Variants in ANK3 observed in about 807,000 individuals in gnomAD.
ANK3 encodes the protein ankyrin-3.
In ANK3, 57 loss-of-function variants were observed where a neutral mutation model predicts 370.9. That is an observed-to-expected ratio of 0.15 (90% CI 0.12 to 0.19). ANK3 has a LOEUF of 0.19. Ranked by LOEUF, ANK3 falls within the 10% of genes least tolerant of loss-of-function variation. The pLI, the probability that ANK3 is intolerant of heterozygous loss-of-function variation, is 1.00. For missense variants in ANK3, 4,439 were observed against 5,302.1 expected (o/e 0.84, Z 5.06); for synonymous variants, 1,929 against 1,946.3 (o/e 0.99, Z 0.23).
intron 42 of ANK3, among the ~76,000 whole-genome samples, chr10:60,047,676 AAAATTG>A: frequency 6.6e-6 from 1 of 152,324 alleles, no homozygotes; most frequent in Middle Eastern, 3.4e-3. Flanking sequence ...AAAATGTTGA[AAAATTG>A]AAATAAAAAT....
chr10:60,556,296 C>A (rs2077205685), intron 2 of ANK3, among the ~76,000 whole-genome samples: 1 of 152,186 alleles, frequency 6.6e-6, no homozygotes, highest in African/African-American at 2.4e-5. Context: ...TTCCGGCCTG[C>A]TGTAAATTTT....
chr10:60,701,986 C>T (rs2133418933), intron 1 of ANK3, among the ~76,000 whole-genome samples: 1 of 152,194 alleles, frequency 6.6e-6, no homozygotes, highest in East Asian at 1.9e-4. Flanking sequence ...AGGCTGGGTG[C>T]AGTGGCTCAT....
intron 28 of ANK3, among the ~76,000 whole-genome samples, chr10:60,090,133 A>G (rs2087869329): frequency 6.6e-6 from 1 of 152,142 alleles, no homozygotes; most frequent in African/African-American, 2.4e-5. Context: ...CCGGGCCAAC[A>G]TGGTGAAATC....
At chr10:60,367,763 A>G (rs550788331) in intron 1 of ANK3, among the ~76,000 whole-genome samples, 1 of 152,326 alleles carries the variant, frequency 6.6e-6, no homozygotes, top group South Asian at 2.1e-4. Context: ...CTGTGTCCTC[A>G]GTGACATTTA....
At chr10:60,554,070 C>A (rs2133237148) in intron 2 of ANK3, among the ~76,000 whole-genome samples, 1 of 152,312 alleles carries the variant, frequency 6.6e-6, no homozygotes, top group South Asian at 2.1e-4. Flanking sequence ...TTATTCAATT[C>A]TATTACTTCT....
Position 60,109,027 on chromosome 10 carries a change from C to T in ANK3, c.2976G>A (p.Ala992=), listed in dbSNP as rs747475542. The T allele has an allele frequency of 9.9e-5, 159 of 1,613,312 alleles. No homozygotes were observed. Among genetic ancestry groups the T allele is most frequent in the Non-Finnish European group, 1.2e-4 (144 of 1,179,958 alleles). Residue 992 remains alanine, a synonymous_variant, in exon 27 of 44, where the codon GCG becomes GCA. Transcript: ENST00000280772. The part of the protein sequence containing the change: ...SGFLVSFMVD[A]RGGSMRGSRH... Reference sequence around the variant, plus strand: ...GGCTTCCTCTCATGGAGCCCCCTCTCGCGTCCACCATAAAGCTAACCAGAA... The same window carrying T: ...GGCTTCCTCTCATGGAGCCCCCTCTTGCGTCCACCATAAAGCTAACCAGAA...
intron 1 of ANK3, among the ~76,000 whole-genome samples, chr10:60,333,244 C>A (rs1014128856): frequency 7.2e-5 from 11 of 152,056 alleles, no homozygotes; most frequent in Non-Finnish European, 1.5e-4. Flanking sequence ...TGGTTTGCTG[C>A]ACCCATCAAC....
At chr10:60,622,552 T>A (rs1319142316) in intron 1 of ANK3, among the ~76,000 whole-genome samples, 1 of 152,144 alleles carries the variant, frequency 6.6e-6, no homozygotes, top group Non-Finnish European at 1.5e-5. Flanking sequence ...CCTGAGGCTT[T>A]AAAGTCACTT....
intron 9 of ANK3, among the ~76,000 whole-genome samples, chr10:60,211,125 A>G: frequency 6.6e-6 from 1 of 152,190 alleles, no homozygotes; most frequent in Non-Finnish European, 1.5e-5. Context: ...GTACCTCAGA[A>G]GATAAAGTGA....
chr10:60,511,760 G>C (rs1041352835), intron 2 of ANK3, among the ~76,000 whole-genome samples: 1 of 150,116 alleles, frequency 6.7e-6, no homozygotes, highest in African/African-American at 2.4e-5. Context: ...CACTTTTCTC[G>C]CACTATCAGC....
intron 1 of ANK3, among the ~76,000 whole-genome samples, chr10:60,298,058 T>C (rs141646817): frequency 2.8e-4 from 43 of 152,286 alleles, no homozygotes; most frequent in African/African-American, 9.6e-4. Flanking sequence ...TTTGGCATTA[T>C]AGGGTAACTT....
At chr10:60,451,246 T>C (rs1369282235) in intron 2 of ANK3, among the ~76,000 whole-genome samples, 1 of 152,202 alleles carries the variant, frequency 6.6e-6, no homozygotes, top group Non-Finnish European at 1.5e-5. Context: ...GTTTCAGACT[T>C]CTGGCCTCCA....
chr10:60,459,280 C>A (rs1291342924), intron 2 of ANK3, among the ~76,000 whole-genome samples: 1 of 152,090 alleles, frequency 6.6e-6, no homozygotes, highest in South Asian at 2.1e-4. Context: ...CTGAAAGTCA[C>A]CCACATCTGT....
At position 60,070,619 on chromosome 10, in the gene ANK3, T is replaced by C; in HGVS notation, c.10262A>G (p.Gln3421Arg). 6.2e-7 allele frequency: 1 copy of C among 1,614,200 alleles called. No individual in the cohort carries two copies. Among genetic ancestry groups the C allele is most frequent in the Non-Finnish European group, 8.5e-7 (1 of 1,180,034 alleles). The change falls in exon 37 of 44, where the codon CAA becomes CGA. Residue 3421 changes from glutamine (Q) to arginine (R), a missense_variant. Gln to Arg is a conservative substitution (Grantham distance 43). Coordinates refer to ENST00000280772, the MANE Select transcript of ANK3 (RefSeq NM_020987.5). This position sits in a 1 kb window ranked among gnomAD's most constrained non-coding sequence, Gnocchi z 5.7. The stretch of plus-strand genomic sequence containing the variant: ...CTCTGTCAAGCCATCATCTTCATCT[T>C]GCAGGTCATAGCCATCCAGAGAGTC... ...EIDSLDGYDL[Q>R]DEDDGLTESD... is the part of the protein sequence containing the mutation.
intron 2 of ANK3, among the ~76,000 whole-genome samples, chr10:60,434,353 A>G (rs1377757792): frequency 6.6e-6 from 1 of 152,228 alleles, no homozygotes. Flanking sequence ...TTATTATACT[A>G]TAGGTAATTA....
intron 1 of ANK3, among the ~76,000 whole-genome samples, chr10:60,283,185 C>T (rs972447955): frequency 6.6e-6 from 1 of 152,268 alleles, no homozygotes; most frequent in East Asian, 1.9e-4. Flanking sequence ...CATTTTCCCA[C>T]CAATTTTGCC....
intron 2 of ANK3, among the ~76,000 whole-genome samples, chr10:60,437,189 A>T (rs1020583130): frequency 6.6e-6 from 1 of 152,196 alleles, no homozygotes; most frequent in Non-Finnish European, 1.5e-5. Context: ...TCATGAACAC[A>T]GGCAGATGGT....
chr10:60,242,940 AC>A (rs1333850309), intron 7 of ANK3, among the ~76,000 whole-genome samples: 1 of 152,126 alleles, frequency 6.6e-6, no homozygotes, highest in African/African-American at 2.4e-5. Context: ...CAGTTGTCTA[AC>A]CCCAAGTTCA....
intron 1 of ANK3, among the ~76,000 whole-genome samples, chr10:60,657,255 C>T (rs2078877455): frequency 6.6e-6 from 1 of 152,174 alleles, no homozygotes; most frequent in Admixed American, 6.5e-5. Flanking sequence ...ACCACTGGGT[C>T]CCTCCCACAA....
Sources: allele counts gnomAD v4.1 joint callset (sites outside exome capture counted in the v4.1 genomes callset), GRCh38; gene constraint gnomAD v4.1.1; non-coding constraint Gnocchi (gnomAD v3.1); transcripts MANE v1.5; gene names NCBI Gene and HGNC (gene_info 2026-07-23, HGNC 2026-07-21).